DLG2: variants seen among roughly 807,000 people sequenced by gnomAD.
DLG2 encodes the protein disks large homolog 2.
DLG2 carries 45 observed loss-of-function variants against 132.5 expected under a neutral mutation model. The ratio of observed to expected loss-of-function variants is 0.34; its 90% confidence interval spans 0.27 to 0.44. The LOEUF (loss-of-function observed/expected upper bound fraction) is 0.44. Ranked by LOEUF, DLG2 falls within the 20% of genes least tolerant of loss-of-function variation. The pLI is 1.00. For synonymous variants in DLG2, 424 were observed against 419.6 expected (o/e 1.01, Z -0.13); for missense variants, 1,045 against 1,196.9 (o/e 0.87, Z 1.87).
In DLG2 at chr11:85,509,736, C is replaced by A. The variant is rs76913739; in HGVS notation, c.40+88921G>T. On this transcript the variant is annotated intron_variant, in intron 3 of 27. Coordinates refer to ENST00000376104, the MANE Select transcript of DLG2 (RefSeq NM_001142699.3). ...ATAAATGCTGATGATACATAGTGAACGAAAATACTGGGATAGAGGTTAAAA... is the reference window on the plus strand; with the variant it reads ...ATAAATGCTGATGATACATAGTGAAAGAAAATACTGGGATAGAGGTTAAAA... Among the ~76,000 whole-genome samples, 409 of 151,938 alleles carry A rather than the reference C, an allele frequency of 2.7e-3. 3 individuals carry two copies. In the East Asian group the frequency reaches 0.027, roughly 10 times the overall value.
At position 84,367,643 on chromosome 11, in the gene DLG2, T is replaced by G. The variant is rs181533447; in HGVS notation, c.520-116352A>C. ...AATGGGTTATCATGGGAATGGATTATTTATCACAAGATGAGTCTGTTAAAA... is the reference window on the plus strand; with the variant it reads ...AATGGGTTATCATGGGAATGGATTAGTTATCACAAGATGAGTCTGTTAAAA... On this transcript the variant is annotated intron_variant, in intron 7 of 27. Coordinates refer to ENST00000376104, the MANE Select transcript of DLG2 (RefSeq NM_001142699.3). Among the ~76,000 whole-genome samples the G allele has an allele frequency of 2.0e-3, 298 of 152,168 alleles. 1 individual carries two copies. The highest frequency in any genetic ancestry group is 6.1e-3 in the African/African-American group (255 of 41,530).
intron 19 of DLG2, among the ~76,000 whole-genome samples, chr11:83,565,063 A>G (rs943428467): frequency 1.3e-5 from 2 of 152,160 alleles, no homozygotes; most frequent in Admixed American, 6.5e-5. Flanking sequence ...AATGACTATC[A>G]TGTTGCCATT....
In DLG2 at chr11:83,758,930, A is replaced by G. The variant is rs2153749985; in HGVS notation, c.1825+27760T>C. ...AACTTTTGATGAAGCAGAAACTATA[A>G]AAGAGATGCTTTCCAAGGCCACAGA... On this transcript the variant is annotated intron_variant, in intron 18 of 27. Coordinates refer to ENST00000376104, the MANE Select transcript of DLG2 (RefSeq NM_001142699.3). Among the ~76,000 whole-genome samples the G allele has an allele frequency of 1.3e-5, 2 of 152,262 alleles. 1 individual carries two copies.
At chr11:83,705,956 C>T (rs1260337184) in intron 18 of DLG2, among the ~76,000 whole-genome samples, 7 of 152,132 alleles carry the variant, frequency 4.6e-5, no homozygotes, top group Admixed American at 1.3e-4. Context: ...TGGTGGCTCA[C>T]GCCTGTAATC....
At chr11:85,454,115 T>C (rs1362713049) in intron 3 of DLG2, among the ~76,000 whole-genome samples, 3 of 151,468 alleles carry the variant, frequency 2.0e-5, no homozygotes, top group African/African-American at 7.3e-5. Flanking sequence ...TATGGTTGCA[T>C]AGTAATCCAT....
chr11:83,836,440 C>T (rs1481214499), intron 16 of DLG2, among the ~76,000 whole-genome samples: 2 of 152,004 alleles, frequency 1.3e-5, no homozygotes, highest in East Asian at 3.9e-4. Flanking sequence ...ACATTCCTCA[C>T]CCCATGGCTC....
chr11:84,660,823 C>T (rs1011782337), intron 6 of DLG2, among the ~76,000 whole-genome samples: 1 of 152,210 alleles, frequency 6.6e-6, no homozygotes, highest in Non-Finnish European at 1.5e-5. Flanking sequence ...GGCAAGGTGA[C>T]TAAGTGGGCC....
intron 6 of DLG2, among the ~76,000 whole-genome samples, chr11:84,701,235 G>A (rs369550856): frequency 5.3e-5 from 8 of 151,536 alleles, no homozygotes; most frequent in African/African-American, 1.7e-4. Context: ...TCCAGCAAGA[G>A]AGAAGACTAT....
chr11:84,620,250 C>T (rs1369640310), intron 6 of DLG2, among the ~76,000 whole-genome samples: 1 of 151,618 alleles, frequency 6.6e-6, no homozygotes, highest in Non-Finnish European at 1.5e-5. Context: ...TTATTCAACA[C>T]ATGTTGCTAT....
chr11:85,502,437 G>A (rs1333749049), intron 3 of DLG2, among the ~76,000 whole-genome samples: 1 of 151,264 alleles, frequency 6.6e-6, no homozygotes, highest in Non-Finnish European at 1.5e-5. Flanking sequence ...GAAAAAAAAT[G>A]TGGCACATAT....
rs562906046 is a variant in DLG2, at chr11:84,558,931, C to G, written c.358-24200G>C. Reference sequence around the variant, plus strand: ...TTAGCTATGATTCTCCTAAGCCCCTCAAAACATTTTTTATACCATCATTAG... The same window carrying G: ...TTAGCTATGATTCTCCTAAGCCCCTGAAAACATTTTTTATACCATCATTAG... On this transcript the variant is annotated intron_variant, in intron 6 of 27. Coordinates refer to ENST00000376104, the MANE Select transcript of DLG2 (RefSeq NM_001142699.3). Among the ~76,000 whole-genome samples the G allele has an allele frequency of 5.9e-5, 9 of 152,256 alleles. No individual in the cohort carries two copies. The South Asian group carries it at 1.7e-3, about 28-fold the overall frequency.
At chr11:83,656,850 T>G (rs1472367591) in intron 18 of DLG2, among the ~76,000 whole-genome samples, 2 of 152,212 alleles carry the variant, frequency 1.3e-5, no homozygotes, top group African/African-American at 2.4e-5. Flanking sequence ...TAGCACTCAC[T>G]GATGCAGAGG....
chr11:85,358,558 C>T (rs1268433575), intron 3 of DLG2, among the ~76,000 whole-genome samples: 2 of 152,174 alleles, frequency 1.3e-5, no homozygotes, highest in Admixed American at 6.5e-5. Flanking sequence ...GAAAGGGATG[C>T]TGTGTTCAAG....
intron 7 of DLG2, among the ~76,000 whole-genome samples, chr11:84,465,419 A>C (rs1602608723): frequency 6.6e-6 from 1 of 151,402 alleles, no homozygotes; most frequent in Non-Finnish European, 1.5e-5. Context: ...TTGTAAAAGA[A>C]TGCACATTCA....
intron 11 of DLG2, among the ~76,000 whole-genome samples, chr11:84,058,853 T>C (rs2096546799): frequency 6.6e-6 from 1 of 152,016 alleles, no homozygotes. Context: ...AAATGTCATG[T>C]AATATTGGGT....
At chr11:84,821,873 A>G (rs999715946) in intron 6 of DLG2, among the ~76,000 whole-genome samples, 9 of 151,816 alleles carry the variant, frequency 5.9e-5, no homozygotes, top group Non-Finnish European at 1.2e-4. Flanking sequence ...ATGGAAAACA[A>G]TGCTAACTTT....
chr11:84,753,963 C>A (rs975113662), intron 6 of DLG2, among the ~76,000 whole-genome samples: 4 of 152,130 alleles, frequency 2.6e-5, no homozygotes, highest in African/African-American at 9.7e-5. Flanking sequence ...AAGAACCGAC[C>A]AATGCGTTTT....
chr11:85,499,654 T>A (rs1429144701), intron 3 of DLG2, among the ~76,000 whole-genome samples: 1 of 152,064 alleles, frequency 6.6e-6, no homozygotes, highest in Non-Finnish European at 1.5e-5. Context: ...AAAAGATAAT[T>A]TTAGACCAAT....
intron 6 of DLG2, among the ~76,000 whole-genome samples, chr11:84,680,573 C>T (rs2099726428): frequency 6.6e-6 from 1 of 152,154 alleles, no homozygotes; most frequent in Non-Finnish European, 1.5e-5. Flanking sequence ...CACTTAAAAC[C>T]TTTCCCAAAT....
Sources: gnomAD v4.1 joint callset for allele counts (sites outside exome capture counted in the v4.1 genomes callset) on GRCh38, gnomAD v4.1.1 for gene constraint, MANE v1.5 for transcripts, NCBI Gene and HGNC (gene_info 2026-07-23, HGNC 2026-07-21) for gene names.